The following ABCG1 variants were observed in gnomAD, a reference collection of about 807,000 sequenced individuals.
The protein encoded by ABCG1 is ATP-binding cassette sub-family G member 1.
A neutral mutation model predicts 69.2 loss-of-function variants in ABCG1; 29 were observed. The ratio of observed to expected loss-of-function variants is 0.42; its 90% CI spans 0.31 to 0.57. ABCG1 has a LOEUF of 0.57. Ranked by LOEUF, ABCG1 falls within the 20% of genes least tolerant of loss-of-function variation. ABCG1 has a pLI of 0.15. For synonymous variants in ABCG1, 370 were observed against 374.8 expected (o/e 0.99, Z 0.15); for missense variants, 718 against 898.1 (o/e 0.80, Z 2.56).
intron 2 of ABCG1, among the ~76,000 whole-genome samples, chr21:42,226,355 T>C (rs1427982165): frequency 6.6e-6 from 1 of 152,154 alleles, no homozygotes; most frequent in Non-Finnish European, 1.5e-5. Context: ...TAGACTGACC[T>C]CTCCAGAGAC....
At chr21:42,230,725 A>G (rs2067889058) in intron 2 of ABCG1, among the ~76,000 whole-genome samples, 2 of 152,176 alleles carry the variant, frequency 1.3e-5, no homozygotes, top group Non-Finnish European at 2.9e-5. Context: ...ATGCTTGGGT[A>G]CTCGTACACT....
At chr21:42,264,821 G>C (rs2068475179) in intron 2 of ABCG1, among the ~76,000 whole-genome samples, 2 of 152,144 alleles carry the variant, frequency 1.3e-5, no homozygotes, top group Non-Finnish European at 2.9e-5. Context: ...GTGCTGGTTG[G>C]TGTGCTCTGG....
chr21:42,241,127 G>A (rs1569214589), intron 2 of ABCG1, among the ~76,000 whole-genome samples: 2 of 152,264 alleles, frequency 1.3e-5, no homozygotes, highest in African/African-American at 2.4e-5. Context: ...TCACAGACAC[G>A]TAGTGAGAGC....
upstream of ABCG1, chr21:42,216,161 C>G (rs1257756769): frequency 4.4e-6 from 2 of 451,628 alleles, no homozygotes; most frequent in African/African-American, 2.0e-5. Flanking sequence ...CCGCCATGAT[C>G]ATGAGGCTTC....
intron 2 of ABCG1, among the ~76,000 whole-genome samples, chr21:42,246,808 C>T (rs569005638): frequency 1.3e-5 from 2 of 152,076 alleles, no homozygotes; most frequent in East Asian, 1.9e-4. Flanking sequence ...CTGGTACTGC[C>T]ACATCTAAAT....
chr21:42,206,256 A>T (rs1053110184), intron 2 of ABCG1, among the ~76,000 whole-genome samples: 11 of 152,254 alleles, frequency 7.2e-5, no homozygotes, highest in Admixed American at 7.2e-4. Flanking sequence ...AGGCTGAGAC[A>T]TGAGAATCAC....
chr21:42,212,499 G>A (rs555175726), upstream of ABCG1, among the ~76,000 whole-genome samples: 4 of 152,254 alleles, frequency 2.6e-5, no homozygotes, highest in East Asian at 1.9e-4. Flanking sequence ...TACTGGAAAC[G>A]GGAGGAAAGG....
chr21:42,294,918 C>T (rs192455210), intron 14 of ABCG1: 22 of 445,072 alleles, frequency 4.9e-5, no homozygotes, highest in African/African-American at 3.4e-4. Context: ...GTGTTCTGGA[C>T]GTTGCCGAGA....
chr21:42,227,400 G>C (rs768668868), intron 2 of ABCG1, among the ~76,000 whole-genome samples: 1 of 152,166 alleles, frequency 6.6e-6, no homozygotes. Flanking sequence ...TTTTGGCGTC[G>C]TTTGTCTATA....
At chr21:42,224,177 C>T (rs1448561210) in intron 1 of ABCG1, among the ~76,000 whole-genome samples, 1 of 152,148 alleles carries the variant, frequency 6.6e-6, no homozygotes, top group Non-Finnish European at 1.5e-5. Flanking sequence ...TTGTCTTGTC[C>T]CACAGCTTTG....
chr21:42,260,369 C>T (rs1226267439), intron 2 of ABCG1, among the ~76,000 whole-genome samples: 1 of 152,226 alleles, frequency 6.6e-6, no homozygotes, highest in African/African-American at 2.4e-5. Flanking sequence ...GGCTCATCAC[C>T]TGTGAAACAC....
chr21:42,253,123 G>T (rs2068249313), intron 2 of ABCG1, among the ~76,000 whole-genome samples: 1 of 152,200 alleles, frequency 6.6e-6, no homozygotes, highest in East Asian at 1.9e-4. Flanking sequence ...CCTTGGAGGA[G>T]CTGGTGGGAC....
At chr21:42,267,188 G>A (rs906364857) in intron 2 of ABCG1, among the ~76,000 whole-genome samples, 7 of 152,350 alleles carry the variant, frequency 4.6e-5, no homozygotes, top group African/African-American at 9.6e-5. Flanking sequence ...CACAGAGGCC[G>A]GCCCTGCCCG....
In ABCG1 at chr21:42,203,872, C is replaced by A. The variant is rs77666836; in HGVS notation, c.48+2149C>A. On this transcript the variant is annotated intron_variant, in intron 2 of 15. Coordinates refer to the ABCG1 transcript ENST00000398457. Reference sequence around the variant, plus strand: ...TTTTTACTACGTTAAGTCTTCCAATCTATAAACAGTATTTCTCTCCTTTTT... The same window carrying A: ...TTTTTACTACGTTAAGTCTTCCAATATATAAACAGTATTTCTCTCCTTTTT... Among the ~76,000 whole-genome samples the A allele has an allele frequency of 5.0e-3, 760 of 152,340 alleles. 10 individuals are homozygous for A. Among genetic ancestry groups the A allele is most frequent in the Middle Eastern group, 0.024 (7 of 294 alleles).
chr21:42,227,348 T>C (rs187452011), intron 2 of ABCG1, among the ~76,000 whole-genome samples: 245 of 152,306 alleles, frequency 1.6e-3, no homozygotes, highest in African/African-American at 5.6e-3. Context: ...AAAGAAATAT[T>C]TTATAGAAAA....
At chr21:42,253,026 C>T (rs113578630) in intron 2 of ABCG1, among the ~76,000 whole-genome samples, 5,001 of 152,232 alleles carry the variant, frequency 0.033, 122 homozygotes, top group Middle Eastern at 0.054. Flanking sequence ...AGTCTCGGCA[C>T]GCCTGGATGC....
At chr21:42,213,325 A>T (rs2067607696), upstream of ABCG1, among the ~76,000 whole-genome samples, 1 of 152,252 alleles carries the variant, frequency 6.6e-6, no homozygotes, top group Non-Finnish European at 1.5e-5. Context: ...CTCAGAGGGC[A>T]CAATCAATAA....
chr21:42,277,903 T>C (rs764259462), intron 5 of ABCG1, among the ~76,000 whole-genome samples: 2 of 152,164 alleles, frequency 1.3e-5, no homozygotes, highest in African/African-American at 2.4e-5. Flanking sequence ...ATTAAGTAAA[T>C]GTAAACCACT....
At chr21:42,228,657 G>C (rs1371161215) in intron 2 of ABCG1, among the ~76,000 whole-genome samples, 1 of 152,226 alleles carries the variant, frequency 6.6e-6, no homozygotes, top group African/African-American at 2.4e-5. Flanking sequence ...GTCTAGCACA[G>C]GGCCTTATGG....
Sources: gnomAD v4.1 joint callset for allele counts (sites outside exome capture counted in the v4.1 genomes callset) on GRCh38, gnomAD v4.1.1 for gene constraint, MANE v1.5 for transcripts, NCBI Gene and HGNC (gene_info 2026-07-23, HGNC 2026-07-21) for gene names.